The following SVOP variants were observed in gnomAD, a reference collection of about 807,000 sequenced individuals.
The protein encoded by SVOP is synaptic vesicle 2-related protein.
Under a neutral mutation model 69.1 loss-of-function variants are expected in SVOP, and 17 were observed. That is an observed-to-expected ratio of 0.25 (90% confidence interval 0.17 to 0.37). The LOEUF is 0.37. Among genes scored for constraint, SVOP ranks in the 10% least tolerant of loss-of-function variants. The pLI, the probability that SVOP is intolerant of heterozygous loss-of-function variation, is 1.00. For missense variants in SVOP, 435 were observed against 597.5 expected, an observed-to-expected ratio of 0.73 and a Z score of 2.84; for synonymous variants, 238 against 238.6, an observed-to-expected ratio of 1.00 and a Z score of 0.02.
chr12:108,926,560 T>C (rs2039781234), intron 11 of SVOP: 1 of 152,232 alleles, frequency 6.6e-6, no homozygotes, highest in Non-Finnish European at 1.5e-5. Context: ...GACTTTGAAA[T>C]GGGCAAAAAT....
chr12:109,015,234 A>T (rs2040361653), intron 1 of SVOP, among the ~76,000 whole-genome samples: 1 of 152,190 alleles, frequency 6.6e-6, no homozygotes, highest in Non-Finnish European at 1.5e-5. Context: ...GGGAGGCAGC[A>T]GCATGAATGG....
chr12:108,924,429 T>A (rs2039768265), intron 11 of SVOP, among the ~76,000 whole-genome samples: 1 of 152,212 alleles, frequency 6.6e-6, no homozygotes, highest in South Asian at 2.1e-4. Context: ...GGCATCTCCA[T>A]CCTTCCAGTT....
intron 1 of SVOP, among the ~76,000 whole-genome samples, chr12:108,995,140 G>C (rs2040224440): frequency 6.6e-6 from 1 of 151,216 alleles, no homozygotes; most frequent in Non-Finnish European, 1.5e-5. Flanking sequence ...GCTAGAACCT[G>C]TCTCAAAAAA....
At chr12:109,011,429 T>C (rs1177348381) in intron 1 of SVOP, among the ~76,000 whole-genome samples, 1 of 152,190 alleles carries the variant, frequency 6.6e-6, no homozygotes, top group Non-Finnish European at 1.5e-5. Flanking sequence ...TGAGTGACAA[T>C]GATGCCCTAT....
chr12:108,938,707 C>T, intron 9 of SVOP, 120 bp downstream of exon 9: 2 of 1,515,304 alleles, frequency 1.3e-6, no homozygotes, highest in South Asian at 2.5e-5. Flanking sequence ...ACGCACACAC[C>T]CCACCTTGGG....
Position 108,944,500 on chromosome 12 carries a change from A to G in SVOP, c.642+603T>C, listed in dbSNP as rs148697223. Among the ~76,000 whole-genome samples, 3 of 152,284 alleles carry G rather than the reference A, an allele frequency of 2.0e-5. No individual in the cohort carries two copies. In the East Asian group the frequency reaches 5.8e-4, roughly 29 times the overall value. ...TTCATAGTCATCACTGTTGGAATCA[A>G]TGTCCAGCATGAGCAAATAAACCAT... On this transcript the variant is annotated intron_variant, in intron 7 of 15. Coordinates refer to ENST00000610966, the MANE Select transcript of SVOP (RefSeq NM_018711.5).
rs2039684662 is a variant in SVOP, at chr12:108,911,775, G to A, written c.*760C>T. ...ACCGTGGCCTTCGCTGCTTCAGAAG[G>A]GGAGGCCCGTGCTCTGACTTCAGCT... On this transcript the variant is annotated 3_prime_UTR_variant, in exon 16 of 16. Coordinates refer to ENST00000610966, the MANE Select transcript of SVOP (RefSeq NM_018711.5). 6.6e-6 allele frequency: 1 copy of A among 152,250 alleles called. No homozygotes were observed. 9.4% of individuals were successfully genotyped at this position (152,250 alleles called of 1,614,324 possible).
At chr12:108,915,397 G>A (rs1447223640) in intron 15 of SVOP, among the ~76,000 whole-genome samples, 1 of 152,108 alleles carries the variant, frequency 6.6e-6, no homozygotes, top group African/African-American at 2.4e-5. Flanking sequence ...ATGTCTATGT[G>A]TATTCAATGT....
intron 5 of SVOP, among the ~76,000 whole-genome samples, chr12:108,963,612 G>C (rs1367658623): frequency 6.6e-6 from 1 of 152,076 alleles, no homozygotes; most frequent in East Asian, 1.9e-4. Flanking sequence ...CTCAGCCTCT[G>C]AGTAGCTGGT....
At chr12:108,921,504 TGCCCACTACTGTGG>T (rs1251253600) in intron 12 of SVOP, among the ~76,000 whole-genome samples, 1 of 151,778 alleles carries the variant, frequency 6.6e-6, no homozygotes, top group Non-Finnish European at 1.5e-5. Context: ...ATCAAGCAGT[TGCCCACTACTGTGG>T]GCAACTGGAG....
chr12:108,956,522 C>A (rs1006641192), intron 6 of SVOP, among the ~76,000 whole-genome samples: 1 of 152,096 alleles, frequency 6.6e-6, no homozygotes, highest in Non-Finnish European at 1.5e-5. Context: ...AACATGGAGC[C>A]CCCAGGATGG....
intron 12 of SVOP, among the ~76,000 whole-genome samples, chr12:108,920,273 A>T (rs1436084048): frequency 6.6e-6 from 1 of 152,228 alleles, no homozygotes; most frequent in Non-Finnish European, 1.5e-5. Context: ...CAACTGTGAG[A>T]TCATAAGTGT....
intron 1 of SVOP, 80 bp from the exon 2 acceptor site, chr12:108,983,841 C>T (rs1346384364): frequency 2.5e-6 from 1 of 398,574 alleles, no homozygotes; most frequent in South Asian, 1.3e-4. Context: ...GTGACCAGGA[C>T]AGGTGAAAGA....
intron 1 of SVOP, among the ~76,000 whole-genome samples, chr12:108,997,587 G>A (rs905022453): frequency 7.2e-5 from 11 of 152,148 alleles, no homozygotes; most frequent in African/African-American, 2.7e-4. Flanking sequence ...GAGAGCAGCG[G>A]TTCTCCCAGC....
intron 6 of SVOP, among the ~76,000 whole-genome samples, chr12:108,951,964 G>A (rs1383004514): frequency 2.6e-5 from 4 of 152,158 alleles, no homozygotes; most frequent in African/African-American, 9.7e-5. Flanking sequence ...TGTTATGCTA[G>A]TTCCAAGTAT....
intron 14 of SVOP, among the ~76,000 whole-genome samples, chr12:108,917,368 A>G (rs2039720480): frequency 6.6e-6 from 1 of 152,222 alleles, no homozygotes; most frequent in Non-Finnish European, 1.5e-5. Context: ...TCAATTACAT[A>G]AACAATATAG....
rs568224146 is a variant in SVOP, at chr12:108,944,081, G to A, written c.642+1022C>T. ...TTTTTGGTAGAGATGGGGTTTCACC[G>A]TGTTGGCCAGGCTGGTCGAGAACCC... On this transcript the variant is annotated intron_variant, in intron 7 of 15. Transcript: ENST00000610966. Among the ~76,000 whole-genome samples the A allele has an allele frequency of 3.8e-4, 57 of 151,922 alleles. 3 individuals are homozygous for A. The highest frequency in any genetic ancestry group is 1.3e-3 in the African/African-American group (55 of 41,408).
intron 11 of SVOP, 62 bp from the exon 12 acceptor site, chr12:108,922,859 T>C: frequency 8.6e-7 from 1 of 1,158,852 alleles, no homozygotes; most frequent in Non-Finnish European, 1.3e-6. Flanking sequence ...CACACCTTCC[T>C]GCTCCCCATA....
chr12:108,999,437 G>A (rs2040255524), intron 1 of SVOP, among the ~76,000 whole-genome samples: 1 of 145,582 alleles, frequency 6.9e-6, no homozygotes, highest in African/African-American at 2.5e-5. Context: ...CCCAGGAATT[G>A]AACTCAGCTC....
Sources: gnomAD v4.1 joint callset for allele counts (sites outside exome capture counted in the v4.1 genomes callset) on GRCh38, gnomAD v4.1.1 for gene constraint, MANE v1.5 for transcripts, NCBI Gene and HGNC (gene_info 2026-07-23, HGNC 2026-07-21) for gene names.